The following STXBP6 variants were observed in gnomAD, a reference collection of about 807,000 sequenced individuals.
The protein encoded by STXBP6 is syntaxin binding protein 6, also known as syntaxin-binding protein 6.
A neutral mutation model predicts 26.9 loss-of-function variants in STXBP6; 21 were observed. The ratio of observed to expected loss-of-function variants is 0.78; its 90% CI spans 0.55 to 1.12. The LOEUF is 1.12. Ranked by LOEUF, STXBP6 falls within the 50% of genes most tolerant of loss-of-function variation. The pLI is 0.00. For synonymous variants in STXBP6, 97 were observed against 92.6 expected, an observed-to-expected ratio of 1.05 and a Z score of -0.27; for missense variants, 232 against 257.9, an observed-to-expected ratio of 0.90 and a Z score of 0.69.
chr14:24,871,334 A>G lies in STXBP6; in HGVS notation c.155-14177T>C, dbSNP rs566475374. Among the ~76,000 whole-genome samples, 3 of 152,314 alleles carry G rather than the reference A, an allele frequency of 2.0e-5. No individual in the cohort carries two copies. In the South Asian group the frequency reaches 6.2e-4, roughly 32 times the overall value. On this transcript the variant is annotated intron_variant, in intron 2 of 5. Coordinates refer to ENST00000323944, the MANE Select transcript of STXBP6 (RefSeq NM_001394410.1). ...AGAGCATATCCACTGAATGAACACT[A>G]TTAATATTGGGTGATAGGTTGTTGG...
At chr14:24,843,920 T>C (rs930397362) in intron 4 of STXBP6, among the ~76,000 whole-genome samples, 8 of 152,198 alleles carry the variant, frequency 5.3e-5, no homozygotes, top group African/African-American at 1.4e-4. Context: ...CCTTCAATAA[T>C]ACCTGAGTTT....
At chr14:24,930,214 A>G (rs947822540) in intron 2 of STXBP6, among the ~76,000 whole-genome samples, 1 of 151,634 alleles carries the variant, frequency 6.6e-6, no homozygotes, top group African/African-American at 2.4e-5. Context: ...TCACGTGGGG[A>G]TAATAGCCTG....
In STXBP6 at chr14:24,997,007, G is replaced by A. The variant is rs1183669480; in HGVS notation, c.-32-22157C>T. Among the ~76,000 whole-genome samples the A allele has an allele frequency of 2.0e-5, 3 of 151,986 alleles. No homozygotes were observed. The East Asian group carries it at 5.8e-4, about 29-fold the overall frequency. On this transcript the variant is annotated intron_variant, in intron 1 of 5. Coordinates refer to ENST00000323944, the MANE Select transcript of STXBP6 (RefSeq NM_001394410.1). ...GGAAATGACAGCTAAAGAAAGAAAG[G>A]GAAAAAAGTAAAAGCATATGACGCC...
intron 1 of STXBP6, among the ~76,000 whole-genome samples, chr14:25,021,102 C>T (rs1744738582): frequency 6.6e-6 from 1 of 152,170 alleles, no homozygotes; most frequent in African/African-American, 2.4e-5. Flanking sequence ...ACACCACCAC[C>T]ACCCCCATTC....
intron 2 of STXBP6, among the ~76,000 whole-genome samples, chr14:24,959,812 G>A (rs373924063): frequency 6.6e-6 from 1 of 152,274 alleles, no homozygotes; most frequent in South Asian, 2.1e-4. Flanking sequence ...GACTCCCTTG[G>A]ATGAATCCAT....
rs537521693 is a variant in STXBP6 at position 25,017,144 on chromosome 14, G to C, written c.-33+32734C>G. Among the ~76,000 whole-genome samples the C allele has an allele frequency of 2.6e-5, 4 of 152,288 alleles. No homozygotes were observed. In the East Asian group the frequency reaches 7.7e-4, roughly 29 times the overall value. On this transcript the variant is annotated intron_variant, in intron 1 of 5. Coordinates refer to ENST00000323944, the MANE Select transcript of STXBP6 (RefSeq NM_001394410.1). ...TGTAATAAGAATTTTTTATTCACCAGAATTCTTGGAAAATAAACAGAATGT... is the reference window on the plus strand; with the variant it reads ...TGTAATAAGAATTTTTTATTCACCACAATTCTTGGAAAATAAACAGAATGT...
chr14:24,935,775 G>T (rs890120357), intron 2 of STXBP6, among the ~76,000 whole-genome samples: 1 of 151,982 alleles, frequency 6.6e-6, no homozygotes, highest in African/African-American at 2.4e-5. Flanking sequence ...TGAAATCCAA[G>T]ATAAGCCAAC....
At chr14:24,818,117 G>C (rs981093318) in intron 5 of STXBP6, 5 of 456,580 alleles carry the variant, frequency 1.1e-5, no homozygotes, top group South Asian at 7.7e-5. Flanking sequence ...CACCTGAAAA[G>C]TGTATTTGAA....
At chr14:24,986,603 C>T (rs1015059664) in intron 1 of STXBP6, among the ~76,000 whole-genome samples, 6 of 152,100 alleles carry the variant, frequency 3.9e-5, no homozygotes, top group Non-Finnish European at 8.8e-5. Context: ...AATAGGAATC[C>T]GTCTAGCCCA....
chr14:24,925,478 T>C (rs992258699), intron 2 of STXBP6, among the ~76,000 whole-genome samples: 2 of 152,132 alleles, frequency 1.3e-5, no homozygotes. Flanking sequence ...GCTACTCAAG[T>C]AGTTGGTTCA....
rs34542483 is a variant in STXBP6 at position 24,897,409 on chromosome 14, C to CAA, written c.155-40254_155-40253dup. On this transcript the variant is annotated intron_variant, in intron 2 of 5. Coordinates refer to ENST00000323944, the MANE Select transcript of STXBP6 (RefSeq NM_001394410.1). Reference sequence around the variant, plus strand: ...TGGGCGACAGAGCGAGACTCTGTCTCAAAAAAAAAAAAAAAAAAGGAAAAA... The same window carrying CAA: ...TGGGCGACAGAGCGAGACTCTGTCTCAAAAAAAAAAAAAAAAAAAAGGAAAAA... Among the ~76,000 whole-genome samples the CAA allele has an allele frequency of 4.2e-3, 157 of 37,254 alleles. 13 individuals carry two copies. Among genetic ancestry groups the CAA allele is most frequent in the African/African-American group, 9.2e-3 (112 of 12,166 alleles). The allele number at this position is 37,254 out of a possible 152,430, so 24.4% of individuals were successfully genotyped here. A position where few individuals can be genotyped will look rare whatever the true frequency, so the allele number is the denominator to read the frequency against.
rs370414754 is a variant in STXBP6, at chr14:24,982,242, C to T, written c.-32-7392G>A. Among the ~76,000 whole-genome samples, 8 of 152,264 alleles carry T rather than the reference C, an allele frequency of 5.3e-5. No individual in the cohort carries two copies. The South Asian group carries it at 1.5e-3, about 28-fold the overall frequency. ...GTTGACCATATTCTTTTTTCAACTC[C>T]AGTCCAGGCATAGTGTTGAGAACCC... is the stretch of plus-strand genomic sequence containing the variant. On this transcript the variant is annotated intron_variant, in intron 1 of 5. Coordinates refer to ENST00000323944, the MANE Select transcript of STXBP6 (RefSeq NM_001394410.1).
intron 2 of STXBP6, among the ~76,000 whole-genome samples, chr14:24,860,638 T>C (rs112380951): frequency 1.3e-5 from 2 of 152,238 alleles, no homozygotes; most frequent in South Asian, 2.1e-4. Flanking sequence ...ACAATCAGTA[T>C]ATACCACCTG....
intron 2 of STXBP6, among the ~76,000 whole-genome samples, chr14:24,951,133 C>T (rs1453150093): frequency 6.6e-6 from 1 of 152,166 alleles, no homozygotes; most frequent in Non-Finnish European, 1.5e-5. Context: ...TTTATCCAGT[C>T]TATCATGGAT....
chr14:24,966,404 A>G (rs1260928970), intron 2 of STXBP6, among the ~76,000 whole-genome samples: 1 of 151,802 alleles, frequency 6.6e-6, no homozygotes, highest in African/African-American at 2.4e-5. Flanking sequence ...AAAAAAAAAA[A>G]ATGACAAGTG....
At chr14:24,963,333 G>GA (rs1359436233) in intron 2 of STXBP6, among the ~76,000 whole-genome samples, 1 of 152,182 alleles carries the variant, frequency 6.6e-6, no homozygotes, top group Non-Finnish European at 1.5e-5. Flanking sequence ...GGATCTCAAG[G>GA]AATGAAGGCC....
intron 2 of STXBP6, among the ~76,000 whole-genome samples, chr14:24,861,824 T>A (rs1324752657): frequency 6.6e-6 from 1 of 152,150 alleles, no homozygotes; most frequent in Non-Finnish European, 1.5e-5. Context: ...CTGCAGGCTA[T>A]GTAACCCAGA....
chr14:24,899,290 G>A (rs1332274511), intron 2 of STXBP6, among the ~76,000 whole-genome samples: 3 of 152,320 alleles, frequency 2.0e-5, no homozygotes, highest in Middle Eastern at 3.4e-3. Flanking sequence ...CAGTAAGAAT[G>A]TTTGGAATAT....
chr14:25,029,738 T>C (rs1442101333), intron 1 of STXBP6, among the ~76,000 whole-genome samples: 1 of 152,116 alleles, frequency 6.6e-6, no homozygotes, highest in East Asian at 1.9e-4. Context: ...GTGCTTTCCC[T>C]CCTGAAAAGA....
Sources: allele counts gnomAD v4.1 joint callset (sites outside exome capture counted in the v4.1 genomes callset), GRCh38; gene constraint gnomAD v4.1.1; transcripts MANE v1.5; gene names NCBI Gene and HGNC (gene_info 2026-07-23, HGNC 2026-07-21).